Variants in BMP5 observed in about 807,000 individuals in gnomAD.
BMP5 encodes the protein bone morphogenetic protein 5.
Under a neutral mutation model 46.6 loss-of-function variants are expected in BMP5, and 23 were observed. The observed-to-expected ratio is 0.49, with a 90% CI of 0.35 to 0.70. BMP5 has a LOEUF of 0.70. Ranked by LOEUF, BMP5 falls within the 30% of genes least tolerant of loss-of-function variation. The pLI, the probability that BMP5 is intolerant of heterozygous loss-of-function variation, is 0.00. For synonymous variants in BMP5, 204 were observed against 191.9 expected (o/e 1.06, Z -0.52); for missense variants, 545 against 565.6 (o/e 0.96, Z 0.37).
At chr6:55,871,496 T>C (rs1001784492) in intron 1 of BMP5, among the ~76,000 whole-genome samples, 2 of 151,904 alleles carry the variant, frequency 1.3e-5, no homozygotes, top group African/African-American at 4.8e-5. Context: ...GGTTTCATAT[T>C]CAGATGTCTG....
At position 55,760,541 on chromosome 6, in the gene BMP5, TA is replaced by T. The variant is rs1774747076; in HGVS notation, c.1028-9del. ...GCTCACTTGTGTTATAATCTGAAGA[TA>T]AAAACCACATTTTGAATAAATGGTT... On this transcript the variant is annotated splice_polypyrimidine_tract_variant and intron_variant, in intron 4 of 6. Transcript: ENST00000370830. 2 of 1,611,476 alleles carry T rather than the reference TA, an allele frequency of 1.2e-6. No homozygotes were observed. Among genetic ancestry groups the T allele is most frequent in the South Asian group, 2.2e-5 (2 of 91,020 alleles).
At chr6:55,777,783 T>A (rs1372935676) in intron 3 of BMP5, among the ~76,000 whole-genome samples, 1 of 152,010 alleles carries the variant, frequency 6.6e-6, no homozygotes, top group Non-Finnish European at 1.5e-5. Context: ...AATAGATGCA[T>A]GTTTAACTCC....
At chr6:55,793,230 T>C (rs1301337345) in intron 3 of BMP5, among the ~76,000 whole-genome samples, 2 of 152,176 alleles carry the variant, frequency 1.3e-5, no homozygotes, top group East Asian at 3.9e-4. Context: ...AGTATCACCA[T>C]CACCACAGTC....
rs757000639 is a variant in BMP5, at chr6:55,874,668, T to A, written c.198A>T (p.Arg66Ser). ...ACGCTTGTTTTCCAGGTGAAAATGGTCTGGGTCTGTGAGGCAAACCCAAGA... is the reference window on the plus strand; with the variant it reads ...ACGCTTGTTTTCCAGGTGAAAATGGACTGGGTCTGTGAGGCAAACCCAAGA... Reference protein sequence around the residue: ...LSILGLPHRPRPFSPGKQASS... With the variant: ...LSILGLPHRPSPFSPGKQASS... The change falls in exon 1 of 7, where the codon AGA becomes AGT. Residue 66 changes from arginine (R) to serine (S), a missense_variant. Transcript: ENST00000370830. 4 of 1,613,516 alleles carry A rather than the reference T, an allele frequency of 2.5e-6. No homozygotes were observed. Among genetic ancestry groups the A allele is most frequent in the Non-Finnish European group, 3.4e-6 (4 of 1,179,736 alleles).
intron 1 of BMP5, among the ~76,000 whole-genome samples, chr6:55,857,134 T>A (rs1777419643): frequency 6.6e-6 from 1 of 152,240 alleles, no homozygotes; most frequent in Admixed American, 6.5e-5. Flanking sequence ...CTTCTGCTCA[T>A]GCAGTCCTGA....
chr6:55,816,469 A>G (rs528523221), intron 2 of BMP5, among the ~76,000 whole-genome samples: 10 of 152,270 alleles, frequency 6.6e-5, no homozygotes, highest in Middle Eastern at 3.4e-3. Context: ...CATAAAAATA[A>G]CATATTATAG....
intron 1 of BMP5, among the ~76,000 whole-genome samples, chr6:55,839,181 A>C (rs1776892292): frequency 1.3e-5 from 2 of 152,078 alleles, no homozygotes; most frequent in African/African-American, 4.8e-5. Context: ...TGTCATTTCA[A>C]ATTTGGGGCT....
chr6:55,771,306 C>A (rs1177874943), intron 4 of BMP5, among the ~76,000 whole-genome samples: 1 of 151,812 alleles, frequency 6.6e-6, no homozygotes, highest in Non-Finnish European at 1.5e-5. Flanking sequence ...CTATTGGCTC[C>A]ATTTTCTTTC....
intron 1 of BMP5, among the ~76,000 whole-genome samples, chr6:55,821,264 G>T (rs1246205685): frequency 6.6e-6 from 1 of 152,120 alleles, no homozygotes; most frequent in Non-Finnish European, 1.5e-5. Context: ...ATAATCTCTG[G>T]TTTATTTTCC....
chr6:55,803,882 T>C (rs944333096), intron 2 of BMP5, among the ~76,000 whole-genome samples: 5 of 152,198 alleles, frequency 3.3e-5, no homozygotes, highest in African/African-American at 1.2e-4. Context: ...GTTCTAGTTC[T>C]TCTTTTTCTC....
chr6:55,769,061 G>T (rs1774983825), intron 4 of BMP5, among the ~76,000 whole-genome samples: 2 of 151,930 alleles, frequency 1.3e-5, no homozygotes, highest in Non-Finnish European at 2.9e-5. Flanking sequence ...CTAGTAAAGG[G>T]TCTTGCCTCA....
intron 1 of BMP5, among the ~76,000 whole-genome samples, chr6:55,833,650 C>T (rs575066258): frequency 2.6e-5 from 4 of 152,144 alleles, no homozygotes; most frequent in African/African-American, 9.7e-5. Context: ...GCTAAAAAAG[C>T]TCATTAATAT....
chr6:55,823,381 T>C (rs1336966166), intron 1 of BMP5, among the ~76,000 whole-genome samples: 2 of 152,044 alleles, frequency 1.3e-5, no homozygotes, highest in African/African-American at 2.4e-5. Context: ...AAAAATTGCA[T>C]GAATGGGTCA....
chr6:55,829,324 T>C (rs966247100), intron 1 of BMP5, among the ~76,000 whole-genome samples: 1 of 151,726 alleles, frequency 6.6e-6, no homozygotes, highest in Non-Finnish European at 1.5e-5. Flanking sequence ...TAAATAAATA[T>C]AGGAATATAT....
chr6:55,760,346 T>C (rs1774739719), intron 5 of BMP5, 111 bp downstream of exon 5: 13 of 911,482 alleles, frequency 1.4e-5, no homozygotes, highest in Middle Eastern at 2.1e-4. Flanking sequence ...TAAATGGTCA[T>C]GTCAAAAATC....
Position 55,828,148 on chromosome 6 carries a change from T to A in BMP5, c.491-8301A>T, listed in dbSNP as rs73446197. ...TGTACACAAAAGACTTTCCTTTACATCTTGAAATCAGTGAGTTGATAGTTT... is the reference window on the plus strand; with the variant it reads ...TGTACACAAAAGACTTTCCTTTACAACTTGAAATCAGTGAGTTGATAGTTT... On this transcript the variant is annotated intron_variant, in intron 1 of 6. Coordinates refer to ENST00000370830, the MANE Select transcript of BMP5 (RefSeq NM_021073.4). Among the ~76,000 whole-genome samples the A allele has an allele frequency of 4.6e-3, 696 of 151,968 alleles. 13 individuals are homozygous for A. The highest frequency in any genetic ancestry group is 0.016 in the African/African-American group (657 of 41,548).
At chr6:55,807,003 T>C (rs1776006508) in intron 2 of BMP5, among the ~76,000 whole-genome samples, 1 of 152,216 alleles carries the variant, frequency 6.6e-6, no homozygotes, top group African/African-American at 2.4e-5. Flanking sequence ...TGTAGAATCA[T>C]GCCATCTGCA....
intron 6 of BMP5, among the ~76,000 whole-genome samples, chr6:55,758,344 C>T (rs1774667558): frequency 6.6e-6 from 1 of 151,742 alleles, no homozygotes; most frequent in African/African-American, 2.4e-5. Context: ...ATCAGACTCT[C>T]AATAGGTTTC....
intron 1 of BMP5, among the ~76,000 whole-genome samples, chr6:55,853,262 GATA>G (rs1441254450): frequency 1.3e-5 from 2 of 151,426 alleles, no homozygotes; most frequent in East Asian, 3.9e-4. Context: ...ATTTGTGATA[GATA>G]TTATTTATCA....
Sources: allele counts gnomAD v4.1 joint callset (sites outside exome capture counted in the v4.1 genomes callset), GRCh38; gene constraint gnomAD v4.1.1; transcripts MANE v1.5; gene names NCBI Gene and HGNC (gene_info 2026-07-23, HGNC 2026-07-21).